STPG2: variants seen among roughly 807,000 people sequenced by gnomAD.
STPG2 encodes sperm-tail PG-rich repeat-containing protein 2.
Under a neutral mutation model 54.2 loss-of-function variants are expected in STPG2, and 56 were observed. The ratio of observed to expected loss-of-function variants is 1.03; its 90% CI spans 0.83 to 1.29. The LOEUF is 1.29. STPG2 is among the 50% of genes most tolerant of loss of function. The pLI is 0.00. For missense variants in STPG2, 596 were observed against 544.9 expected (o/e 1.09, Z -0.93); for synonymous variants, 200 against 181.8 (o/e 1.10, Z -0.81).
intron 4 of STPG2, among the ~76,000 whole-genome samples, chr4:97,494,267 A>T (rs1730562151): frequency 6.6e-6 from 1 of 151,584 alleles, no homozygotes; most frequent in Admixed American, 6.6e-5. Flanking sequence ...TCCTTCAGGC[A>T]GGTAGCATGC....
At chr4:97,862,354 A>G (rs566028574) in intron 8 of STPG2, among the ~76,000 whole-genome samples, 7 of 152,276 alleles carry the variant, frequency 4.6e-5, no homozygotes, top group African/African-American at 1.7e-4. Context: ...AAAGAAGGCC[A>G]TTACATAATG....
intron 4 of STPG2, among the ~76,000 whole-genome samples, chr4:97,460,947 T>A (rs1029168601): frequency 1.2e-4 from 19 of 152,224 alleles, no homozygotes; most frequent in Non-Finnish European, 2.5e-4. Flanking sequence ...GCATATAACA[T>A]TCATGCTCAG....
chr4:97,843,848 C>G (rs576400245), intron 8 of STPG2, among the ~76,000 whole-genome samples: 1 of 151,968 alleles, frequency 6.6e-6, no homozygotes, highest in South Asian at 2.1e-4. Context: ...AATACCCATG[C>G]AATAACTCAC....
intron 3 of STPG2, among the ~76,000 whole-genome samples, chr4:98,114,631 T>A (rs1739455137): frequency 6.6e-6 from 1 of 151,998 alleles, no homozygotes; most frequent in African/African-American, 2.4e-5. Flanking sequence ...TTAAGTGAAT[T>A]TACATTATTG....
intron 8 of STPG2, among the ~76,000 whole-genome samples, chr4:97,904,793 A>G (rs988483638): frequency 6.6e-6 from 1 of 152,252 alleles, no homozygotes; most frequent in African/African-American, 2.4e-5. Flanking sequence ...CCAAGGCTTG[A>G]GAACTACGTG....
chr4:97,983,385 G>A (rs1391129802), intron 5 of STPG2, among the ~76,000 whole-genome samples: 1 of 152,176 alleles, frequency 6.6e-6, no homozygotes, highest in Admixed American at 6.5e-5. Context: ...AAGTTTGGGA[G>A]GAGTCAAAAG....
chr4:98,075,751 A>G (rs909960702), intron 5 of STPG2, among the ~76,000 whole-genome samples: 2 of 152,232 alleles, frequency 1.3e-5, no homozygotes, highest in Non-Finnish European at 2.9e-5. Context: ...TTAAATGAGA[A>G]GGAAAAAAAT....
At chr4:98,131,349 T>C (rs1262915226) in intron 2 of STPG2, among the ~76,000 whole-genome samples, 1 of 152,180 alleles carries the variant, frequency 6.6e-6, no homozygotes, top group Non-Finnish European at 1.5e-5. Flanking sequence ...CAGGAAGCAA[T>C]GATTTTTTCT....
chr4:97,787,352 AT>A (rs1484575835), intron 9 of STPG2, among the ~76,000 whole-genome samples: 17 of 152,058 alleles, frequency 1.1e-4, no homozygotes, highest in Non-Finnish European at 2.1e-4. Flanking sequence ...TCAGAGTTGA[AT>A]TCTGTTAAAT....
chr4:97,840,744 C>A, intron 9 of STPG2, 29 bp downstream of exon 9: 1 of 1,574,580 alleles, frequency 6.4e-7, no homozygotes, highest in Non-Finnish European at 8.6e-7. Flanking sequence ...TTTTTTTCCT[C>A]ATAGCTTTAT....
At chr4:97,444,636 T>A (rs1372819520) in intron 4 of STPG2, among the ~76,000 whole-genome samples, 2 of 152,110 alleles carry the variant, frequency 1.3e-5, no homozygotes, top group Non-Finnish European at 2.9e-5. Context: ...TCAAAGGAGT[T>A]CATTAGACAG....
intron 5 of STPG2, among the ~76,000 whole-genome samples, chr4:98,066,349 G>C (rs966418340): frequency 4.7e-5 from 4 of 85,516 alleles, no homozygotes; most frequent in African/African-American, 1.9e-4. Context: ...TCACAACTGG[G>C]AGGCTGAGGC....
In STPG2 at chr4:97,495,479, C is replaced by G. The variant is rs903981992; in HGVS notation, c.462+217220G>C. On this transcript the variant is annotated intron_variant, in intron 4 of 4. Coordinates refer to the STPG2 transcript ENST00000522676. ...TGACAAGCTACTCTTTCTGAATTTG[C>G]TTTCTAGTATCGCATTTAGTGTTCA... Among the ~76,000 whole-genome samples the G allele has an allele frequency of 3.3e-5, 5 of 151,354 alleles. No homozygotes were observed. In the East Asian group the frequency reaches 9.7e-4, roughly 29 times the overall value.
chr4:97,709,092 T>A lies in STPG2; in HGVS notation c.1320+3607A>T, dbSNP rs191064693. Among the ~76,000 whole-genome samples the A allele has an allele frequency of 2.8e-3, 420 of 151,920 alleles. 3 individuals carry two copies. The highest frequency in any genetic ancestry group is 9.2e-3 in the African/African-American group (384 of 41,546). ...TGTGATGTGAAGTCTGAATTCAAAC[T>A]TCTAAGTGCACAATTTTCATCAAAA... On this transcript the variant is annotated intron_variant, in intron 10 of 10. Coordinates refer to ENST00000295268, the MANE Select transcript of STPG2 (RefSeq NM_174952.3).
At chr4:97,789,873 T>C (rs1726938076) in intron 9 of STPG2, among the ~76,000 whole-genome samples, 1 of 152,158 alleles carries the variant, frequency 6.6e-6, no homozygotes, top group South Asian at 2.1e-4. Flanking sequence ...AGCAATCTTT[T>C]CTGATCTCCT....
At position 97,632,264 on chromosome 4, in the gene STPG2, C is replaced by T. The variant is rs559129461; in HGVS notation, c.1321-73147G>A. ...TTTTTAGGTTTACTAAAATTTCACA[C>T]AAATTTTAACAAGCTTATTGGTTTT... On this transcript the variant is annotated intron_variant, in intron 10 of 10. Transcript: ENST00000295268. Among the ~76,000 whole-genome samples, 5 of 148,694 alleles carry T rather than the reference C, an allele frequency of 3.4e-5. No individual in the cohort carries two copies. In the South Asian group the frequency reaches 8.4e-4, roughly 25 times the overall value.
rs183296043 is a variant in STPG2 at position 97,671,783 on chromosome 4, T to C, written c.1320+40916A>G. On this transcript the variant is annotated intron_variant, in intron 10 of 10. Coordinates refer to ENST00000295268, the MANE Select transcript of STPG2 (RefSeq NM_174952.3). ...TCAAGTTCAACTCTGTAAGTGGGCA[T>C]GGTAACAACATCCATCTCTTAGGAT... is the stretch of plus-strand genomic sequence containing the variant. Among the ~76,000 whole-genome samples the C allele has an allele frequency of 1.4e-3, 211 of 152,274 alleles. 1 individual carries two copies. The highest frequency in any genetic ancestry group is 4.9e-3 in the African/African-American group (202 of 41,552).
chr4:97,937,226 T>C (rs567400196), intron 8 of STPG2, among the ~76,000 whole-genome samples: 1 of 152,198 alleles, frequency 6.6e-6, no homozygotes, highest in Non-Finnish European at 1.5e-5. Context: ...CTCAGCTCCA[T>C]CAGGCCATTT....
intron 10 of STPG2, among the ~76,000 whole-genome samples, chr4:97,621,234 A>G (rs1259651486): frequency 6.6e-6 from 1 of 152,206 alleles, no homozygotes; most frequent in Non-Finnish European, 1.5e-5. Context: ...TAGAGGAACT[A>G]GAGACACAAG....
Sources: gnomAD v4.1 joint callset for allele counts (sites outside exome capture counted in the v4.1 genomes callset) on GRCh38, gnomAD v4.1.1 for gene constraint, MANE v1.5 for transcripts, NCBI Gene and HGNC (gene_info 2026-07-23, HGNC 2026-07-21) for gene names.